SNTG2: variants seen among roughly 807,000 people sequenced by gnomAD.
SNTG2 encodes syntrophin gamma 2.
Under a neutral mutation model 70.9 loss-of-function variants are expected in SNTG2, and 74 were observed. The observed-to-expected ratio is 1.04, with a 90% CI of 0.86 to 1.27. SNTG2 has a LOEUF of 1.27. Ranked by LOEUF, SNTG2 falls within the 50% of genes most tolerant of loss-of-function variation. The pLI is 0.00. For synonymous variants in SNTG2, 278 were observed against 273.8 expected (o/e 1.02, Z -0.15); for missense variants, 717 against 690.7 (o/e 1.04, Z -0.43).
At chr2:955,954 TCCCTGCCCCTGC>T (rs67552563) in intron 1 of SNTG2, among the ~76,000 whole-genome samples, 5 of 150,114 alleles carry the variant, frequency 3.3e-5, no homozygotes, top group Non-Finnish European at 7.4e-5. Flanking sequence ...CTCAGAGCCT[TCCCTGCCCCTGC>T]CCCTGCCCCT....
At chr2:1,148,479 T>A (rs1669245856) in intron 6 of SNTG2, among the ~76,000 whole-genome samples, 1 of 152,190 alleles carries the variant, frequency 6.6e-6, no homozygotes, top group South Asian at 2.1e-4. Context: ...GTGTTTTGTG[T>A]TAGGCCCAGC....
chr2:1,057,015 G>C (rs1662503736), intron 1 of SNTG2, among the ~76,000 whole-genome samples: 1 of 150,894 alleles, frequency 6.6e-6, no homozygotes, highest in Non-Finnish European at 1.5e-5. Context: ...GGGCGGCGCA[G>C]CGCTGTGCTG....
At chr2:1,121,306 GAT>G (rs1667359107) in intron 4 of SNTG2, among the ~76,000 whole-genome samples, 1 of 151,902 alleles carries the variant, frequency 6.6e-6, no homozygotes, top group African/African-American at 2.4e-5. Flanking sequence ...TTAAAACAAA[GAT>G]CCTAAATAGC....
At chr2:1,080,945 C>T (rs926961399) in intron 1 of SNTG2, among the ~76,000 whole-genome samples, 5 of 152,094 alleles carry the variant, frequency 3.3e-5, no homozygotes, top group South Asian at 2.1e-4. Context: ...ACGCTGGTGG[C>T]CCTTCCTTTT....
chr2:1,032,146 G>C (rs1396617741), intron 1 of SNTG2, among the ~76,000 whole-genome samples: 1 of 152,150 alleles, frequency 6.6e-6, no homozygotes, highest in African/African-American at 2.4e-5. Flanking sequence ...GTGAAACACG[G>C]GCAGGCAGGG....
intron 16 of SNTG2, among the ~76,000 whole-genome samples, chr2:1,349,176 T>C (rs1660452049): frequency 6.6e-6 from 1 of 152,218 alleles, no homozygotes; most frequent in Non-Finnish European, 1.5e-5. Context: ...ATGTCCAAAC[T>C]GTCTTTGTGC....
At chr2:1,036,546 G>A (rs796398172) in intron 1 of SNTG2, among the ~76,000 whole-genome samples, 5 of 151,964 alleles carry the variant, frequency 3.3e-5, no homozygotes, top group African/African-American at 1.2e-4. Context: ...TCCCCACTGT[G>A]GTTTTTAATT....
At chr2:1,004,805 C>A (rs1039925345) in intron 1 of SNTG2, among the ~76,000 whole-genome samples, 3 of 152,226 alleles carry the variant, frequency 2.0e-5, no homozygotes, top group Non-Finnish European at 4.4e-5. Flanking sequence ...CAGTTGTGCT[C>A]TCTGGACTTT....
At chr2:1,280,689 C>T (rs1039711686) in intron 14 of SNTG2, among the ~76,000 whole-genome samples, 6 of 152,220 alleles carry the variant, frequency 3.9e-5, no homozygotes, top group East Asian at 1.9e-4. Flanking sequence ...AGTGTATTCT[C>T]AGCCACTGAA....
chr2:1,056,278 G>GC (rs59481336), intron 1 of SNTG2, among the ~76,000 whole-genome samples: 5 of 56,750 alleles, frequency 8.8e-5, no homozygotes, highest in Non-Finnish European at 1.3e-4. Flanking sequence ...GGGAGGGAGA[G>GC]GCCGCGCCGT....
intron 6 of SNTG2, among the ~76,000 whole-genome samples, chr2:1,159,113 T>TGTGTG (rs745924276): frequency 1.5e-5 from 2 of 133,926 alleles, no homozygotes; most frequent in African/African-American, 6.6e-5. Flanking sequence ...TACCTGTGTG[T>TGTGTG]TCGTGTGTGT....
intron 6 of SNTG2, among the ~76,000 whole-genome samples, chr2:1,151,373 G>GTGGTGCTT (rs1669486972): frequency 3.3e-5 from 5 of 152,368 alleles, no homozygotes; most frequent in African/African-American, 7.2e-5. Context: ...TGGTTTGTTG[G>GTGGTGCTT]TGGTGCTTTG....
At chr2:1,024,680 A>AT (rs1660378621) in intron 1 of SNTG2, among the ~76,000 whole-genome samples, 1 of 152,222 alleles carries the variant, frequency 6.6e-6, no homozygotes, top group South Asian at 2.1e-4. Flanking sequence ...ACCCAAGACT[A>AT]TTTTTAATGA....
Position 1,208,742 on chromosome 2 carries a change from C to T in SNTG2, c.592-361C>T, listed in dbSNP as rs6750587. Among the ~76,000 whole-genome samples the T allele has an allele frequency of 9.4e-3, 1,430 of 152,272 alleles. 18 individuals are homozygous for T. The highest frequency in any genetic ancestry group is 0.032 in the African/African-American group (1,316 of 41,562). The stretch of plus-strand genomic sequence containing the variant: ...TATCGTGTGTCTCTCGACCTAAACT[C>T]GCTGAGTGGACATTTCAGGTTGTTT... On this transcript the variant is annotated intron_variant, in intron 8 of 16. Coordinates refer to ENST00000308624, the MANE Select transcript of SNTG2 (RefSeq NM_018968.4).
At chr2:1,101,685 G>T (rs1420568113) in intron 4 of SNTG2, among the ~76,000 whole-genome samples, 1 of 152,200 alleles carries the variant, frequency 6.6e-6, no homozygotes, top group Admixed American at 6.5e-5. Context: ...AGCGCTGCCA[G>T]ATAGGGCGGG....
rs139794256 is a variant in SNTG2, at chr2:1,076,304, C to T, written c.73-7214C>T. On this transcript the variant is annotated intron_variant, in intron 1 of 16. Coordinates refer to ENST00000308624, the MANE Select transcript of SNTG2 (RefSeq NM_018968.4). ...TGGAAGTCTGTTCCTTCCTTCCACC[C>T]GTATGGCCCAGTAATTTGCGTGGTT... Among the ~76,000 whole-genome samples the T allele has an allele frequency of 6.2e-3, 948 of 152,276 alleles. 11 individuals are homozygous for T. Among genetic ancestry groups the T allele is most frequent in the African/African-American group, 0.022 (894 of 41,544 alleles).
At chr2:971,989 A>G (rs73165793) in intron 1 of SNTG2, among the ~76,000 whole-genome samples, 52,311 of 151,900 alleles carry the variant, frequency 0.34, 9,797 homozygotes, top group Middle Eastern at 0.46. Context: ...ATTGATTTCT[A>G]TTTTTATTGT....
intron 8 of SNTG2, among the ~76,000 whole-genome samples, chr2:1,185,509 A>T (rs537881644): frequency 6.6e-6 from 1 of 152,318 alleles, no homozygotes; most frequent in East Asian, 1.9e-4. Context: ...GAATTTCCAT[A>T]CATCCTCTGA....
chr2:1,110,275 T>A (rs77054563), intron 4 of SNTG2, among the ~76,000 whole-genome samples: 1 of 152,252 alleles, frequency 6.6e-6, no homozygotes, highest in East Asian at 1.9e-4. Flanking sequence ...CAGAGACTTA[T>A]GAGCTTTGTG....
Sources: allele counts gnomAD v4.1 joint callset (sites outside exome capture counted in the v4.1 genomes callset), GRCh38; gene constraint gnomAD v4.1.1; transcripts MANE v1.5; gene names NCBI Gene and HGNC (gene_info 2026-07-23, HGNC 2026-07-21).